CRPPA: variants seen among roughly 807,000 people sequenced by gnomAD.
CRPPA encodes D-ribitol-5-phosphate cytidylyltransferase.
Under a neutral mutation model 52.0 loss-of-function variants are expected in CRPPA, and 43 were observed. The ratio of observed to expected loss-of-function variants is 0.83; its 90% CI spans 0.65 to 1.07. CRPPA has a LOEUF of 1.07. Ranked by LOEUF, CRPPA falls within the 50% of genes least tolerant of loss-of-function variation. The pLI is 0.00. For synonymous variants in CRPPA, 250 were observed against 203.5 expected (o/e 1.23, Z -1.94); for missense variants, 629 against 551.7 (o/e 1.14, Z -1.40).
chr7:16,234,230 A>G (rs889831674), intron 8 of CRPPA, among the ~76,000 whole-genome samples: 8 of 152,092 alleles, frequency 5.3e-5, no homozygotes, highest in Admixed American at 5.2e-4. Context: ...ATCTCCAACA[A>G]AAAGTTTGAA....
intron 8 of CRPPA, 83 bp from the exon 9 acceptor site, chr7:16,216,280 C>T (rs1782307403): frequency 1.2e-6 from 1 of 836,424 alleles, no homozygotes; most frequent in Admixed American, 3.0e-5. Flanking sequence ...AAGCTCAAAA[C>T]CCATATGATT....
intron 9 of CRPPA, among the ~76,000 whole-genome samples, chr7:16,162,974 T>TC (rs527290336): frequency 7.9e-5 from 5 of 62,996 alleles, no homozygotes; most frequent in African/African-American, 1.6e-4. Flanking sequence ...TTTCTTTCTC[T>TC]TTTTTTTTTT....
In CRPPA at chr7:16,256,997, A is replaced by C. The variant is rs73293109; in HGVS notation, c.1119+1393T>G. Among the ~76,000 whole-genome samples, 332 of 152,250 alleles carry C rather than the reference A, an allele frequency of 2.2e-3. 1 individual carries two copies. The highest frequency in any genetic ancestry group is 7.6e-3 in the African/African-American group (316 of 41,572). ...GTTAATTTGGAGTCATCTCATCCAA[A>C]GACAAAAAAAGAGGACCATACTATT... On this transcript the variant is annotated intron_variant, in intron 8 of 9. Transcript: ENST00000407010.
chr7:16,374,993 T>C (rs1786844688), intron 3 of CRPPA, among the ~76,000 whole-genome samples: 1 of 152,252 alleles, frequency 6.6e-6, no homozygotes, highest in African/African-American at 2.4e-5. Flanking sequence ...CAAATGTTGA[T>C]GTACAGTTCT....
chr7:16,230,852 T>C lies in CRPPA; in HGVS notation c.1120-14655A>G, dbSNP rs571130742. 6.6e-5 allele frequency among the ~76,000 whole-genome samples: 10 copies of C among 152,206 alleles called. No homozygotes were observed. The East Asian group carries it at 1.7e-3, about 27-fold the overall frequency. Reference sequence around the variant, plus strand: ...AGCCTGGGGCTCACTACATCAGTTGTTGCACTGGAACTGGCCAGAAGCGAG... The same window carrying C: ...AGCCTGGGGCTCACTACATCAGTTGCTGCACTGGAACTGGCCAGAAGCGAG... On this transcript the variant is annotated intron_variant, in intron 8 of 9. Coordinates refer to ENST00000407010, the MANE Select transcript of CRPPA (RefSeq NM_001101426.4).
At chr7:16,174,827 C>A (rs553673129) in intron 9 of CRPPA, among the ~76,000 whole-genome samples, 2 of 152,224 alleles carry the variant, frequency 1.3e-5, no homozygotes, top group East Asian at 1.9e-4. Flanking sequence ...TTCAAAGGAA[C>A]CCTTACATTA....
At position 16,136,838 on chromosome 7, in the gene CRPPA, G is replaced by A. The variant is rs148278145; in HGVS notation, c.1252-45039C>T. On this transcript the variant is annotated intron_variant, in intron 9 of 9. Coordinates refer to ENST00000407010, the MANE Select transcript of CRPPA (RefSeq NM_001101426.4). ...CATAGATCTCTTAAAAATGAGATATGTATCTTTTAAAATTTATGTCTAGAT... is the reference window on the plus strand; with the variant it reads ...CATAGATCTCTTAAAAATGAGATATATATCTTTTAAAATTTATGTCTAGAT... Among the ~76,000 whole-genome samples, 11 of 152,234 alleles carry A rather than the reference G, an allele frequency of 7.2e-5. No homozygotes were observed. In the East Asian group the frequency reaches 1.2e-3, roughly 16 times the overall value.
At chr7:16,146,721 T>A (rs12699770) in intron 9 of CRPPA, among the ~76,000 whole-genome samples, 1 of 152,124 alleles carries the variant, frequency 6.6e-6, no homozygotes, top group African/African-American at 2.4e-5. Context: ...AGATGTTTTA[T>A]GTAAGCCTCA....
chr7:16,340,380 T>A (rs1785792045), intron 3 of CRPPA, among the ~76,000 whole-genome samples: 1 of 151,792 alleles, frequency 6.6e-6, no homozygotes, highest in Admixed American at 6.6e-5. Flanking sequence ...TGCAAAGAAC[T>A]CTTAAAACTC....
At chr7:16,281,021 AG>A (rs1269608907) in intron 5 of CRPPA, among the ~76,000 whole-genome samples, 1 of 152,200 alleles carries the variant, frequency 6.6e-6, no homozygotes, top group African/African-American at 2.4e-5. Context: ...CTCTGTTTCA[AG>A]GGAAAAAAAA....
At chr7:16,420,322 C>T (rs1169538612) in intron 1 of CRPPA, among the ~76,000 whole-genome samples, 7 of 152,124 alleles carry the variant, frequency 4.6e-5, no homozygotes, top group Admixed American at 3.3e-4. Context: ...ACCCCTGCAC[C>T]CTCGCCCCAA....
chr7:16,399,537 A>C (rs1159755044), intron 2 of CRPPA, among the ~76,000 whole-genome samples: 1 of 152,102 alleles, frequency 6.6e-6, no homozygotes, highest in Admixed American at 6.5e-5. Context: ...CACGTGACTG[A>C]CACGAGATTG....
intron 3 of CRPPA, among the ~76,000 whole-genome samples, chr7:16,371,679 C>G (rs911851123): frequency 6.6e-6 from 1 of 151,618 alleles, no homozygotes; most frequent in African/African-American, 2.4e-5. Context: ...AAAGAACACA[C>G]TAGATCCCAA....
At chr7:16,281,635 T>C (rs528227900) in intron 5 of CRPPA, among the ~76,000 whole-genome samples, 3 of 152,282 alleles carry the variant, frequency 2.0e-5, no homozygotes, top group African/African-American at 7.2e-5. Context: ...TTGGTAAGTG[T>C]TTTTCCTACT....
intron 1 of CRPPA, among the ~76,000 whole-genome samples, chr7:16,409,278 C>A (rs1290328587): frequency 3.3e-5 from 5 of 152,166 alleles, no homozygotes; most frequent in African/African-American, 4.8e-5. Context: ...TTTGCCAACA[C>A]CTTGACACAG....
intron 8 of CRPPA, among the ~76,000 whole-genome samples, chr7:16,234,872 T>C (rs1782901858): frequency 6.6e-6 from 1 of 151,370 alleles, no homozygotes. Flanking sequence ...AAGTAAACAA[T>C]TAAAAAAAGA....
At chr7:16,370,663 C>G (rs370400590) in intron 3 of CRPPA, among the ~76,000 whole-genome samples, 42 of 152,258 alleles carry the variant, frequency 2.8e-4, no homozygotes, top group African/African-American at 1.0e-3. Flanking sequence ...TTTCTTACAG[C>G]AGAGACATAA....
intron 9 of CRPPA, among the ~76,000 whole-genome samples, chr7:16,207,485 T>C (rs1452859663): frequency 6.6e-6 from 1 of 152,224 alleles, no homozygotes; most frequent in East Asian, 1.9e-4. Flanking sequence ...TCACAGTTCC[T>C]TGTACAGCTG....
chr7:16,126,013 G>GA (rs1430725289), intron 9 of CRPPA, among the ~76,000 whole-genome samples: 16 of 151,274 alleles, frequency 1.1e-4, no homozygotes, highest in Admixed American at 4.6e-4. Context: ...CTGAGAAATA[G>GA]AAAAAAATAA....
Sources: gnomAD v4.1 joint callset for allele counts (sites outside exome capture counted in the v4.1 genomes callset) on GRCh38, gnomAD v4.1.1 for gene constraint, MANE v1.5 for transcripts, NCBI Gene and HGNC (gene_info 2026-07-23, HGNC 2026-07-21) for gene names.